Variants in CFAP54 observed in about 807,000 individuals in gnomAD.
CFAP54 encodes the protein cilia- and flagella-associated protein 54.
Under a neutral mutation model 370.4 loss-of-function variants are expected in CFAP54, and 290 were observed. That is an observed-to-expected ratio of 0.78 (90% CI 0.71 to 0.86). The LOEUF (loss-of-function observed/expected upper bound fraction) is 0.86. CFAP54 is among the 40% of genes least tolerant of loss of function. CFAP54 has a pLI of 0.00. For missense variants in CFAP54, 3,399 were observed against 3,528.7 expected (o/e 0.96, Z 0.93); for synonymous variants, 1,206 against 1,236.5 (o/e 0.98, Z 0.52).
chr12:96,621,565 A>T (rs973999224), intron 26 of CFAP54, 25 bp from the exon 27 acceptor site: 1 of 1,402,020 alleles, frequency 7.1e-7, no homozygotes, highest in Non-Finnish European at 9.5e-7. Flanking sequence ...TCCAACAGAG[A>T]TAATTAATAA....
chr12:96,598,379 A>C (rs1956201896), intron 25 of CFAP54, among the ~76,000 whole-genome samples: 1 of 152,024 alleles, frequency 6.6e-6, no homozygotes, highest in Admixed American at 6.6e-5. Context: ...ACTTATCAAA[A>C]TATGCTTTGT....
chr12:96,775,239 C>T (rs1403707888), intron 60 of CFAP54, among the ~76,000 whole-genome samples: 1 of 152,044 alleles, frequency 6.6e-6, no homozygotes, highest in Non-Finnish European at 1.5e-5. Flanking sequence ...ATCAGCCTGG[C>T]CAACATGGCG....
At chr12:96,612,535 G>A (rs185465491) in intron 26 of CFAP54, among the ~76,000 whole-genome samples, 188 of 152,188 alleles carry the variant, frequency 1.2e-3, no homozygotes, top group African/African-American at 4.2e-3. Context: ...TTCACACATA[G>A]CAATATTAAC....
Position 96,494,712 on chromosome 12 carries a change from T to G in CFAP54, c.317+4786T>G, listed in dbSNP as rs557792046. On this transcript the variant is annotated intron_variant, in intron 1 of 67. Transcript: ENST00000524981. The stretch of plus-strand genomic sequence containing the variant: ...GTAGGAGTTGCTTTTATAATATATT[T>G]GACAGATGGTTATTATTATTATTAT... 2.0e-4 allele frequency among the ~76,000 whole-genome samples: 30 copies of G among 152,162 alleles called. No individual in the cohort carries two copies. The South Asian group carries it at 6.0e-3, about 31-fold the overall frequency.
chr12:96,587,828 A>G (rs900858845), intron 22 of CFAP54, among the ~76,000 whole-genome samples: 1 of 152,186 alleles, frequency 6.6e-6, no homozygotes, highest in Admixed American at 6.5e-5. Flanking sequence ...GTGACCACTT[A>G]GTACAGTTGA....
chr12:96,847,397 T>C lies in CFAP54; in HGVS notation c.9172-13422T>C, dbSNP rs530528317. ...GGAAGCTCCCCAGAACCCATCCTTA[T>C]GCGTTTTTATGGAAGTTTTATTACA... is the stretch of plus-strand genomic sequence containing the variant. On this transcript the variant is annotated intron_variant, in intron 66 of 67. Coordinates refer to ENST00000524981, the MANE Select transcript of CFAP54 (RefSeq NM_001306084.2). 4.1e-4 allele frequency among the ~76,000 whole-genome samples: 62 copies of C among 152,232 alleles called. No individual in the cohort carries two copies. In the Middle Eastern group the frequency reaches 0.01, roughly 25 times the overall value.
At chr12:96,499,516 G>A (rs1955000010) in intron 1 of CFAP54, among the ~76,000 whole-genome samples, 1 of 152,102 alleles carries the variant, frequency 6.6e-6, no homozygotes, top group African/African-American at 2.4e-5. Context: ...GATTGCTGGT[G>A]GGAATGCAAA....
intron 2 of CFAP54, among the ~76,000 whole-genome samples, chr12:96,501,722 C>T (rs565909650): frequency 6.6e-6 from 1 of 152,144 alleles, no homozygotes; most frequent in Admixed American, 6.5e-5. Context: ...TCATTTTTCC[C>T]CTCTCTGTTT....
At chr12:96,576,932 T>C (rs1475002652) in intron 20 of CFAP54, among the ~76,000 whole-genome samples, 171 bp downstream of exon 20, 2 of 152,250 alleles carry the variant, frequency 1.3e-5, no homozygotes, top group African/African-American at 4.8e-5. Context: ...CCATGACTTG[T>C]TGCCCCTTAT....
chr12:96,689,770 T>C (rs1283754985), intron 43 of CFAP54, among the ~76,000 whole-genome samples: 4 of 152,166 alleles, frequency 2.6e-5, no homozygotes, highest in Non-Finnish European at 4.4e-5. Context: ...TTATTTGAAA[T>C]ACAAGACATT....
chr12:96,501,016 T>C (rs895321601), intron 2 of CFAP54, 77 bp downstream of exon 2: 1 of 747,654 alleles, frequency 1.3e-6, no homozygotes, highest in Non-Finnish European at 2.0e-6. Context: ...TCTGATACCC[T>C]TCCTATTTTA....
chr12:96,761,786 A>C (rs1451030770), intron 58 of CFAP54, among the ~76,000 whole-genome samples: 3 of 152,128 alleles, frequency 2.0e-5, no homozygotes, highest in Admixed American at 6.6e-5. Context: ...CTTTTGTTGA[A>C]AATTAATTAT....
At chr12:96,713,242 T>C (rs1957634248) in intron 48 of CFAP54, among the ~76,000 whole-genome samples, 1 of 152,232 alleles carries the variant, frequency 6.6e-6, no homozygotes. Context: ...GCCATGTTTA[T>C]TGCAGCACTG....
chr12:96,567,187 G>A (rs145331517), intron 19 of CFAP54, among the ~76,000 whole-genome samples: 139 of 152,278 alleles, frequency 9.1e-4, no homozygotes, highest in African/African-American at 2.2e-3. Context: ...AGGTCCCAAG[G>A]CGAGAAATGT....
chr12:96,825,307 T>C (rs1490176065), intron 65 of CFAP54, among the ~76,000 whole-genome samples: 1 of 129,570 alleles, frequency 7.7e-6, no homozygotes, highest in Non-Finnish European at 1.6e-5. Context: ...ATATTATATA[T>C]ATAATATAAT....
rs1447283851 is a variant in CFAP54, at chr12:96,489,920, G to A, written c.311G>A (p.Arg104Gln). ...TTEEEKHEFR[R>Q]RCATSLFNIW... ...GAGGAAGAGAAGCACGAATTCCGCC[G>A]GCGTTGGTAAGCGCTGGCGGGGCAC... Residue 104 changes from arginine to glutamine, a missense_variant, in exon 1 of 68, where the codon CGG becomes CAG. Coordinates refer to ENST00000524981, the MANE Select transcript of CFAP54 (RefSeq NM_001306084.2). 25 of 1,531,394 alleles carry A rather than the reference G, an allele frequency of 1.6e-5. No individual in the cohort carries two copies. The highest frequency in any genetic ancestry group is 2.2e-5 in the Non-Finnish European group (25 of 1,143,658). 94.9% of individuals were successfully genotyped at this position (1,531,394 alleles called of 1,614,324 possible).
At chr12:96,805,848 A>G (rs1958871857) in intron 63 of CFAP54, among the ~76,000 whole-genome samples, 1 of 152,016 alleles carries the variant, frequency 6.6e-6, no homozygotes, top group African/African-American at 2.4e-5. Context: ...CTACGTGTCC[A>G]TCAGTAGAGG....
chr12:96,716,083 A>G (rs1957674368), intron 48 of CFAP54, among the ~76,000 whole-genome samples: 1 of 152,148 alleles, frequency 6.6e-6, no homozygotes, highest in South Asian at 2.1e-4. Flanking sequence ...TTAATTCTAG[A>G]TTCTTATTAG....
At chr12:96,588,274 G>A (rs1025651593) in intron 22 of CFAP54, among the ~76,000 whole-genome samples, 6 of 151,744 alleles carry the variant, frequency 4.0e-5, no homozygotes, top group Non-Finnish European at 2.9e-5. Context: ...TGGACCTTTT[G>A]GAGATTCTGT....
Sources: gnomAD v4.1 joint callset for allele counts (sites outside exome capture counted in the v4.1 genomes callset) on GRCh38, gnomAD v4.1.1 for gene constraint, MANE v1.5 for transcripts, NCBI Gene and HGNC (gene_info 2026-07-23, HGNC 2026-07-21) for gene names.